MYLK4: variants seen among roughly 807,000 people sequenced by gnomAD.
MYLK4 encodes the protein myosin light chain kinase family member 4.
Under a neutral mutation model 48.1 loss-of-function variants are expected in MYLK4, and 46 were observed. The ratio of observed to expected loss-of-function variants is 0.96; its 90% CI spans 0.75 to 1.22. MYLK4 has a LOEUF of 1.22. Among genes scored for constraint, MYLK4 ranks in the 50% most tolerant of loss-of-function variants. The pLI is 0.00. For synonymous variants in MYLK4, 170 were observed against 180.8 expected (o/e 0.94, Z 0.48); for missense variants, 451 against 486.1 (o/e 0.93, Z 0.68).
At chr6:2,768,333 T>G in the MYLK4 span, among the ~76,000 whole-genome samples, 1 of 152,204 alleles carries the variant, frequency 6.6e-6, no homozygotes, top group African/African-American at 2.4e-5. Flanking sequence ...AGGGAGAATT[T>G]TCTCTTTGGT....
intron 12 of MYLK4, 86 bp downstream of exon 12, chr6:2,671,190 T>A (rs1258531422): frequency 3.2e-6 from 3 of 947,470 alleles, no homozygotes; most frequent in Non-Finnish European, 4.9e-6. Context: ...TCTTCCTGCA[T>A]AGTCTGTGAG....
the MYLK4 span, chr6:2,768,627 C>T: frequency 7.1e-7 from 1 of 1,405,596 alleles, no homozygotes; most frequent in African/African-American, 1.4e-5. Context: ...TGGTGGTTCC[C>T]ATGGGTGCTG....
rs867217995 is a variant in MYLK4 at position 2,666,584 on chromosome 6, G to A, written c.*1341C>T. The A allele has an allele frequency of 6.6e-6, 1 of 152,140 alleles. No individual in the cohort carries two copies. Among genetic ancestry groups the A allele is most frequent in the South Asian group, 2.1e-4 (1 of 4,826 alleles). The allele number at this position is 152,140 out of a possible 1,614,324, so 9.4% of individuals were successfully genotyped here. A position where few individuals can be genotyped will look rare whatever the true frequency, so the allele number is the denominator to read the frequency against. ...AGCTGATTCAACACAACAGTTATTTGGAAATGGAAAATGTGAGAAAGCTCA... is the reference window on the plus strand; with the variant it reads ...AGCTGATTCAACACAACAGTTATTTAGAAATGGAAAATGTGAGAAAGCTCA... On this transcript the variant is annotated 3_prime_UTR_variant, in exon 13 of 13. Coordinates refer to ENST00000274643, the MANE Select transcript of MYLK4 (RefSeq NM_001012418.5).
At position 2,667,125 on chromosome 6, in the gene MYLK4, G is replaced by C. The variant is rs1478325627; in HGVS notation, c.*800C>G. On this transcript the variant is annotated 3_prime_UTR_variant, in exon 13 of 13. Transcript: ENST00000274643. ...ACTGTTGACATTATTTCAAAGGTCA[G>C]AATTTCAAAGTCCAACCATAAACAG... The C allele has an allele frequency of 6.6e-6, 1 of 152,188 alleles. No homozygotes were observed. The highest frequency in any genetic ancestry group is 1.5e-5 in the Non-Finnish European group (1 of 68,048). 9.4% of individuals were successfully genotyped at this position (152,188 alleles called of 1,614,324 possible).
intron 10 of MYLK4, among the ~76,000 whole-genome samples, chr6:2,675,723 C>CAATA (rs1761055009): frequency 6.6e-6 from 1 of 152,070 alleles, no homozygotes; most frequent in Non-Finnish European, 1.5e-5. Context: ...ATAGATTTAC[C>CAATA]ATATTTAAAT....
upstream of MYLK4, among the ~76,000 whole-genome samples, chr6:2,754,081 G>A (rs150803901): frequency 4.5e-3 from 681 of 152,006 alleles, 6 homozygotes; most frequent in Non-Finnish European, 7.2e-3. Flanking sequence ...TATGTTGATG[G>A]GAATATAAAA....
intron 2 of MYLK4, among the ~76,000 whole-genome samples, chr6:2,735,184 G>A (rs1170775973): frequency 6.6e-6 from 1 of 152,160 alleles, no homozygotes; most frequent in Non-Finnish European, 1.5e-5. Context: ...TAACAGACAA[G>A]TCCTGACATA....
chr6:2,690,941 G>GCCA, intron 3 of MYLK4, among the ~76,000 whole-genome samples: 1 of 144,474 alleles, frequency 6.9e-6, no homozygotes, highest in Non-Finnish European at 1.5e-5. Flanking sequence ...GCAATTCTCT[G>GCCA]CCTCAGCCTC....
upstream of MYLK4, among the ~76,000 whole-genome samples, chr6:2,755,225 T>C (rs1046518201): frequency 2.6e-5 from 4 of 152,254 alleles, no homozygotes; most frequent in South Asian, 6.2e-4. Context: ...CTACAGTGGC[T>C]ACACAAATTG....
the MYLK4 span, among the ~76,000 whole-genome samples, chr6:2,762,332 C>T: frequency 0.16 from 24,168 of 152,206 alleles, 2,107 homozygotes; most frequent in South Asian, 0.24. Flanking sequence ...TCTTGAAACA[C>T]GTCCTAAGAG....
chr6:2,725,319 G>C (rs1763217778), intron 2 of MYLK4, among the ~76,000 whole-genome samples: 1 of 151,864 alleles, frequency 6.6e-6, no homozygotes, highest in African/African-American at 2.4e-5. Context: ...CAATTATCCA[G>C]GCATGGCATG....
At chr6:2,678,937 C>T (rs566592700) in intron 9 of MYLK4, among the ~76,000 whole-genome samples, 1 of 152,004 alleles carries the variant, frequency 6.6e-6, no homozygotes, top group South Asian at 2.1e-4. Context: ...CTCTTGACCT[C>T]GTGATCCGCC....
chr6:2,720,185 AC>A (rs1387827519), intron 2 of MYLK4, among the ~76,000 whole-genome samples: 2 of 151,812 alleles, frequency 1.3e-5, no homozygotes, highest in African/African-American at 4.8e-5. Context: ...CGGGTAGATC[AC>A]GAGGTCAGGA....
intron 2 of MYLK4, among the ~76,000 whole-genome samples, chr6:2,722,172 G>A (rs1763093729): frequency 6.6e-6 from 1 of 152,180 alleles, no homozygotes. Flanking sequence ...TTGGTTAGAA[G>A]TCTCTTGGAG....
At chr6:2,706,335 G>A (rs9405180) in intron 2 of MYLK4, among the ~76,000 whole-genome samples, 67,661 of 151,014 alleles carry the variant, frequency 0.45, 15,967 homozygotes, top group East Asian at 0.58. Flanking sequence ...CACGTTATTC[G>A]TCACTCTAAA....
chr6:2,678,146 G>T, intron 10 of MYLK4, 74 bp downstream of exon 10: 1 of 1,526,986 alleles, frequency 6.5e-7, no homozygotes, highest in South Asian at 1.3e-5. Flanking sequence ...GAATAAATTC[G>T]AACAGCCCTG....
intron 4 of MYLK4, 53 bp downstream of exon 4, chr6:2,688,798 T>C (rs1761662480): frequency 2.8e-6 from 4 of 1,436,686 alleles, no homozygotes; most frequent in Admixed American, 3.4e-5. Flanking sequence ...TACGAAGTCA[T>C]TTGCACGCTC....
In MYLK4 at chr6:2,664,469, T is replaced by C. The variant is rs1022593230; in HGVS notation, c.*3456A>G. On this transcript the variant is annotated 3_prime_UTR_variant, in exon 13 of 13. Coordinates refer to ENST00000274643, the MANE Select transcript of MYLK4 (RefSeq NM_001012418.5). ...TGTCATTTGGCCCCCAGCACACGCA[T>C]GCACACTGGCACCCGTGCTGCGTGG... 1 of 152,126 alleles carries C rather than the reference T, an allele frequency of 6.6e-6. No individual in the cohort carries two copies. The highest frequency in any genetic ancestry group is 2.4e-5 in the African/African-American group (1 of 41,402). 9.4% of individuals were successfully genotyped at this position (152,126 alleles called of 1,614,324 possible).
chr6:2,684,986 T>C (rs1202244692), intron 6 of MYLK4, among the ~76,000 whole-genome samples: 2 of 152,256 alleles, frequency 1.3e-5, no homozygotes, highest in Non-Finnish European at 2.9e-5. Context: ...GAAAGTAAGA[T>C]GTAGCTCAAA....
Sources: gnomAD v4.1 joint callset for allele counts (sites outside exome capture counted in the v4.1 genomes callset) on GRCh38, gnomAD v4.1.1 for gene constraint, MANE v1.5 for transcripts, NCBI Gene and HGNC (gene_info 2026-07-23, HGNC 2026-07-21) for gene names.